Variants in UBASH3B observed in about 807,000 individuals in gnomAD.
UBASH3B encodes the protein ubiquitin associated and SH3 domain containing B.
UBASH3B carries 37 observed loss-of-function variants against 83.4 expected under a neutral mutation model. That is an observed-to-expected ratio of 0.44 (90% CI 0.34 to 0.58). The LOEUF (loss-of-function observed/expected upper bound fraction) is 0.58. Ranked by LOEUF, UBASH3B falls within the 20% of genes least tolerant of loss-of-function variation. UBASH3B has a pLI of 0.01. For missense variants in UBASH3B, 657 were observed against 827.2 expected, an observed-to-expected ratio of 0.79 and a Z score of 2.52; for synonymous variants, 304 against 318.3, an observed-to-expected ratio of 0.96 and a Z score of 0.48.
intron 1 of UBASH3B, among the ~76,000 whole-genome samples, chr11:122,683,614 A>T (rs78368126): frequency 0.69 from 102,170 of 148,512 alleles, 38,577 homozygotes; most frequent in Admixed American, 0.83. Flanking sequence ...CAAAAAAAAA[A>T]AAAAATAATA....
chr11:122,664,581 C>T lies in UBASH3B; in HGVS notation c.161+8371C>T, dbSNP rs140808170. Reference sequence around the variant, plus strand: ...ATGGGTGGGTAGATGTGGCAGTGATCGCAGTCCTCTGGACCCTCTGCCCGG... The same window carrying T: ...ATGGGTGGGTAGATGTGGCAGTGATTGCAGTCCTCTGGACCCTCTGCCCGG... On this transcript the variant is annotated intron_variant, in intron 1 of 13. Coordinates refer to ENST00000284273, the MANE Select transcript of UBASH3B (RefSeq NM_032873.5). Among the ~76,000 whole-genome samples the T allele has an allele frequency of 5.2e-3, 793 of 152,144 alleles. 5 individuals carry two copies. Among genetic ancestry groups the T allele is most frequent in the African/African-American group, 0.018 (762 of 41,454 alleles).
chr11:122,793,988 C>T (rs1003396523), intron 6 of UBASH3B, among the ~76,000 whole-genome samples: 2 of 152,068 alleles, frequency 1.3e-5, no homozygotes, highest in East Asian at 1.9e-4. Context: ...ATGGAAATTA[C>T]CACGGGAAAT....
At chr11:122,779,376 T>G (rs1860806102) in intron 3 of UBASH3B, 121 bp from the exon 4 acceptor site, 2 of 1,012,872 alleles carry the variant, frequency 2.0e-6, no homozygotes, top group Non-Finnish European at 3.0e-6. Flanking sequence ...ACAGGGGTAG[T>G]GGTTAAGTAA....
chr11:122,685,141 C>T (rs942251393), intron 1 of UBASH3B, among the ~76,000 whole-genome samples: 2 of 152,212 alleles, frequency 1.3e-5, no homozygotes, highest in African/African-American at 4.8e-5. Context: ...GCAGCTGATG[C>T]TTCTGCAGCC....
chr11:122,733,678 A>G (rs1214765925), intron 1 of UBASH3B, among the ~76,000 whole-genome samples: 2 of 152,222 alleles, frequency 1.3e-5, no homozygotes, highest in Non-Finnish European at 2.9e-5. Context: ...ACAGACACCC[A>G]TGGATATGTC....
At chr11:122,699,519 C>T (rs112553782) in intron 1 of UBASH3B, among the ~76,000 whole-genome samples, 20 of 103,630 alleles carry the variant, frequency 1.9e-4, no homozygotes, top group Admixed American at 3.7e-4. Context: ...CTTTCTTTCT[C>T]TTTCTTTCTT....
At chr11:122,697,662 A>G (rs563191445) in intron 1 of UBASH3B, among the ~76,000 whole-genome samples, 38 of 152,260 alleles carry the variant, frequency 2.5e-4, no homozygotes, top group African/African-American at 8.7e-4. Context: ...CTTCTTGTCC[A>G]ATGTGAATTG....
At chr11:122,802,612 T>C (rs1016453885) in intron 11 of UBASH3B, among the ~76,000 whole-genome samples, 2 of 152,220 alleles carry the variant, frequency 1.3e-5, no homozygotes, top group African/African-American at 4.8e-5. Flanking sequence ...ATACTCATTT[T>C]TTCTGTTCAG....
chr11:122,805,778 A>T (rs1396043815), intron 11 of UBASH3B, among the ~76,000 whole-genome samples: 1 of 152,128 alleles, frequency 6.6e-6, no homozygotes, highest in Non-Finnish European at 1.5e-5. Context: ...ACAGTATCAC[A>T]TGCCTTTGTA....
intron 1 of UBASH3B, among the ~76,000 whole-genome samples, chr11:122,681,142 C>T (rs1202580061): frequency 6.6e-6 from 1 of 152,174 alleles, no homozygotes; most frequent in Non-Finnish European, 1.5e-5. Context: ...CTTGCTCTTT[C>T]ATAGTAATTA....
intron 1 of UBASH3B, among the ~76,000 whole-genome samples, chr11:122,730,321 CTCACATTGTGGGGAGGT>C (rs1177642865): frequency 6.6e-6 from 1 of 152,154 alleles, no homozygotes; most frequent in African/African-American, 2.4e-5. Flanking sequence ...AACAATTGCA[CTCACATTGTGGGGAGGT>C]TCCCGCCTTT....
chr11:122,695,182 T>C lies in UBASH3B; in HGVS notation c.161+38972T>C, dbSNP rs540578868. On this transcript the variant is annotated intron_variant, in intron 1 of 13. Coordinates refer to ENST00000284273, the MANE Select transcript of UBASH3B (RefSeq NM_032873.5). ...TTTCACCATGTTGGCCAGGCTGGTC[T>C]TGAACTCCCGACCTCAAGTGATCCA... is the stretch of plus-strand genomic sequence containing the variant. 1.6e-4 allele frequency among the ~76,000 whole-genome samples: 25 copies of C among 152,256 alleles called. No individual in the cohort carries two copies. The South Asian group carries it at 5.2e-3, about 32-fold the overall frequency.
At chr11:122,807,540 T>C (rs1463190477) in intron 12 of UBASH3B, among the ~76,000 whole-genome samples, 1 of 152,144 alleles carries the variant, frequency 6.6e-6, no homozygotes, top group Non-Finnish European at 1.5e-5. Flanking sequence ...AACCCTCCCA[T>C]AAATCCATAA....
At chr11:122,755,796 A>G (rs550402754) in intron 1 of UBASH3B, among the ~76,000 whole-genome samples, 4 of 152,376 alleles carry the variant, frequency 2.6e-5, no homozygotes, top group South Asian at 4.1e-4. Context: ...ATCTATTAAG[A>G]TAAAAAAGAA....
chr11:122,687,158 C>T (rs963344293), intron 1 of UBASH3B, among the ~76,000 whole-genome samples: 9 of 152,216 alleles, frequency 5.9e-5, no homozygotes, highest in African/African-American at 1.4e-4. Flanking sequence ...TGTGAGTCAC[C>T]GCACCTGGGC....
intron 3 of UBASH3B, among the ~76,000 whole-genome samples, chr11:122,778,811 G>A (rs1413630818): frequency 6.6e-6 from 1 of 151,904 alleles, no homozygotes. Context: ...CACTATGTTG[G>A]TCAGGCTGGT....
At chr11:122,657,378 T>TC (rs1863378605) in intron 1 of UBASH3B, among the ~76,000 whole-genome samples, 1 of 152,132 alleles carries the variant, frequency 6.6e-6, no homozygotes, top group South Asian at 2.1e-4. Context: ...AACTTCCGCC[T>TC]CCCAGGTTCA....
intron 6 of UBASH3B, among the ~76,000 whole-genome samples, chr11:122,790,657 G>A (rs1464863042): frequency 2.0e-5 from 3 of 152,010 alleles, no homozygotes; most frequent in African/African-American, 7.2e-5. Flanking sequence ...TCTTAAAAGT[G>A]GGTGTATGGC....
chr11:122,765,676 A>T (rs1860523872), intron 1 of UBASH3B, among the ~76,000 whole-genome samples: 1 of 152,226 alleles, frequency 6.6e-6, no homozygotes, highest in South Asian at 2.1e-4. Flanking sequence ...CCACCGCCTG[A>T]TGGATCTCTG....
Sources: gnomAD v4.1 joint callset for allele counts (sites outside exome capture counted in the v4.1 genomes callset) on GRCh38, gnomAD v4.1.1 for gene constraint, MANE v1.5 for transcripts, NCBI Gene and HGNC (gene_info 2026-07-23, HGNC 2026-07-21) for gene names.